Variants in TMEM182 observed in about 807,000 individuals in gnomAD.
The protein encoded by TMEM182 is transmembrane protein 182.
In TMEM182, 20 loss-of-function variants were observed where a neutral mutation model predicts 26.8. The ratio of observed to expected loss-of-function variants is 0.75; its 90% CI spans 0.53 to 1.09. The LOEUF (loss-of-function observed/expected upper bound fraction) is 1.09, where lower values mean the gene tolerates loss of function less well. Ranked by LOEUF, TMEM182 falls within the 50% of genes least tolerant of loss-of-function variation. The probability of loss-of-function intolerance (pLI) is 0.00; values close to 1 mark genes in which losing one functional copy is unlikely to be tolerated. For synonymous variants in TMEM182, 109 were observed against 102.2 expected (o/e 1.07, Z -0.40); for missense variants, 277 against 275.5 (o/e 1.01, Z -0.04).
chr2:102,808,191 G>A (rs915991411), intron 4 of TMEM182, among the ~76,000 whole-genome samples: 2 of 152,028 alleles, frequency 1.3e-5, no homozygotes, highest in African/African-American at 4.8e-5. Context: ...CTTAAATATT[G>A]CAGAGGCAAG....
At chr2:102,749,744 A>T (rs1395954010) in intron 1 of TMEM182, among the ~76,000 whole-genome samples, 1 of 152,198 alleles carries the variant, frequency 6.6e-6, no homozygotes, top group African/African-American at 2.4e-5. Flanking sequence ...ATCCTGTTCA[A>T]GAAAAGATCA....
At chr2:102,747,539 G>T (rs1679738099) in intron 1 of TMEM182, among the ~76,000 whole-genome samples, 5 of 152,312 alleles carry the variant, frequency 3.3e-5, no homozygotes, top group Middle Eastern at 3.4e-3. Context: ...ATGACAACAG[G>T]AGCCTCTGCA....
chr2:102,807,774 C>T (rs952191280), intron 4 of TMEM182, among the ~76,000 whole-genome samples: 2 of 152,180 alleles, frequency 1.3e-5, no homozygotes, highest in African/African-American at 4.8e-5. Flanking sequence ...ACATAGAGGA[C>T]TTCACTGAAG....
At position 102,817,344 on chromosome 2, in the gene TMEM182, A is replaced by G. The variant is rs1363167459; in HGVS notation, c.*2376A>G. 1.0e-6 allele frequency: 1 copy of G among 985,312 alleles called. No individual in the cohort carries two copies. Among genetic ancestry groups the G allele is most frequent in the Non-Finnish European group, 1.2e-6 (1 of 829,936 alleles). The allele number at this position is 985,312 out of a possible 1,614,324, so 61.0% of individuals were successfully genotyped here. On this transcript the variant is annotated 3_prime_UTR_variant, in exon 5 of 5. Coordinates refer to ENST00000412401, the MANE Select transcript of TMEM182 (RefSeq NM_144632.5). ...ATCATAAAGTTTCAATTTATCAAGGATATCTTTTCAGTTACACTTTTAGAA... is the reference window on the plus strand; with the variant it reads ...ATCATAAAGTTTCAATTTATCAAGGGTATCTTTTCAGTTACACTTTTAGAA...
At chr2:102,777,091 G>A (rs886191070) in intron 3 of TMEM182, among the ~76,000 whole-genome samples, 3 of 151,682 alleles carry the variant, frequency 2.0e-5, no homozygotes, top group African/African-American at 4.8e-5. Flanking sequence ...ATCCCAGTTT[G>A]TGGCTTTTCT....
At chr2:102,762,921 A>G (rs1038892386) in intron 2 of TMEM182, among the ~76,000 whole-genome samples, 11 of 152,196 alleles carry the variant, frequency 7.2e-5, no homozygotes, top group African/African-American at 2.7e-4. Flanking sequence ...GCAAAACTGA[A>G]TTATCCATTG....
At chr2:102,833,523 T>A (rs761146125) in intron 3 of TMEM182, among the ~76,000 whole-genome samples, 1 of 152,066 alleles carries the variant, frequency 6.6e-6, no homozygotes, top group Non-Finnish European at 1.5e-5. Context: ...TTCCCCAAGG[T>A]TAACATCCCA....
rs564911571 is a variant in TMEM182 at position 102,742,390 on chromosome 2, G to A, written c.-83+5377G>A. ...AAAGAATTGAATATTAATGAATTGC[G>A]AGATAATTTCAAGAGGTATAAGATA... On this transcript the variant is annotated intron_variant, in intron 1 of 5. Coordinates refer to the TMEM182 transcript ENST00000409173. Among the ~76,000 whole-genome samples the A allele has an allele frequency of 6.6e-5, 10 of 152,222 alleles. No homozygotes were observed. In the South Asian group the frequency reaches 1.2e-3, roughly 19 times the overall value.
chr2:102,826,774 G>A (rs1255928187), intron 3 of TMEM182, among the ~76,000 whole-genome samples: 1 of 152,112 alleles, frequency 6.6e-6, no homozygotes, highest in Admixed American at 6.5e-5. Flanking sequence ...CCAGGAGCAT[G>A]ATCAGAGCTG....
At chr2:102,779,463 T>G (rs538123994) in intron 3 of TMEM182, among the ~76,000 whole-genome samples, 1 of 152,322 alleles carries the variant, frequency 6.6e-6, no homozygotes, top group African/African-American at 2.4e-5. Context: ...GACGTGAATG[T>G]TAGACCTTTT....
chr2:102,811,017 C>T (rs541438653), intron 4 of TMEM182, among the ~76,000 whole-genome samples: 1 of 132,418 alleles, frequency 7.6e-6, no homozygotes, highest in Admixed American at 8.6e-5. Flanking sequence ...CTAAAGACTC[C>T]GTTCAAGTTT....
intron 1 of TMEM182, among the ~76,000 whole-genome samples, chr2:102,749,514 G>C (rs889954386): frequency 2.6e-5 from 4 of 152,070 alleles, no homozygotes; most frequent in Non-Finnish European, 5.9e-5. Flanking sequence ...TATGGTGATG[G>C]CCACGAAACT....
chr2:102,754,116 A>G (rs926949398), intron 1 of TMEM182, among the ~76,000 whole-genome samples: 3 of 152,152 alleles, frequency 2.0e-5, no homozygotes, highest in Admixed American at 2.0e-4. Flanking sequence ...AATAATTATC[A>G]TAGGGAAGCA....
rs193247952 is a variant in TMEM182, at chr2:102,779,959, C to T, written c.331+15532C>T. Among the ~76,000 whole-genome samples, 11 of 151,992 alleles carry T rather than the reference C, an allele frequency of 7.2e-5. No individual in the cohort carries two copies. In the East Asian group the frequency reaches 7.7e-4, roughly 11 times the overall value. On this transcript the variant is annotated intron_variant, in intron 3 of 4. Coordinates refer to ENST00000412401, the MANE Select transcript of TMEM182 (RefSeq NM_144632.5). ...CGGAGGTTGCAGTGAGCCGAGATTG[C>T]GTCATTGCACTGCAGCCTGGGCAAT...
chr2:102,795,091 T>C (rs193283849), intron 3 of TMEM182, among the ~76,000 whole-genome samples: 1 of 152,330 alleles, frequency 6.6e-6, no homozygotes, highest in East Asian at 1.9e-4. Flanking sequence ...TTGAGTCCAT[T>C]GCATGGGTTT....
intron 3 of TMEM182, among the ~76,000 whole-genome samples, chr2:102,795,582 G>A (rs1256940302): frequency 6.6e-6 from 1 of 152,136 alleles, no homozygotes; most frequent in African/African-American, 2.4e-5. Flanking sequence ...ACCACTCAGG[G>A]CTTGCTCTGG....
At chr2:102,840,972 T>C (rs1683338191) in intron 3 of TMEM182, among the ~76,000 whole-genome samples, 1 of 152,230 alleles carries the variant, frequency 6.6e-6, no homozygotes. Flanking sequence ...TTTGGCACTT[T>C]CTGCGGAAGT....
chr2:102,821,575 G>A (rs1015101971), downstream of TMEM182, among the ~76,000 whole-genome samples: 7 of 152,302 alleles, frequency 4.6e-5, no homozygotes, highest in East Asian at 1.9e-4. Context: ...TTACAGAACC[G>A]TGAGGCAATT....
chr2:102,839,398 T>C (rs1402166609), intron 3 of TMEM182, among the ~76,000 whole-genome samples: 4 of 149,016 alleles, frequency 2.7e-5, no homozygotes, highest in African/African-American at 4.9e-5. Flanking sequence ...TTAGTTTTAA[T>C]TGACAAATAA....
Sources: gnomAD v4.1 joint callset for allele counts (sites outside exome capture counted in the v4.1 genomes callset) on GRCh38, gnomAD v4.1.1 for gene constraint, MANE v1.5 for transcripts, NCBI Gene and HGNC (gene_info 2026-07-23, HGNC 2026-07-21) for gene names.